Variants in AADACL4 observed in about 807,000 individuals in gnomAD.
AADACL4 encodes the protein arylacetamide deacetylase like 4, also known as arylacetamide deacetylase-like 4.
In AADACL4, 9 loss-of-function variants were observed where a neutral mutation model predicts 14.1. That is an observed-to-expected ratio of 0.64 (90% confidence interval 0.39 to 1.12). The LOEUF is 1.12. Among genes scored for constraint, AADACL4 ranks in the 50% most tolerant of loss-of-function variants. The pLI, the probability that AADACL4 is intolerant of heterozygous loss-of-function variation, is 0.01. For synonymous variants in AADACL4, 188 were observed against 201.6 expected (o/e 0.93, Z 0.57); for missense variants, 531 against 516.1 (o/e 1.03, Z -0.28).
intron 2 of AADACL4, among the ~76,000 whole-genome samples, chr1:12,652,515 A>T (rs1163405480): frequency 6.6e-6 from 1 of 152,206 alleles, no homozygotes; most frequent in East Asian, 1.9e-4. Context: ...AACCGTTGGG[A>T]GAATGAATTC....
Position 12,666,091 on chromosome 1 carries a change from G to T in AADACL4, c.580G>T (p.Val194Phe), listed in dbSNP as rs751214203. 1 of 1,614,238 alleles carries T rather than the reference G, an allele frequency of 6.2e-7. No individual in the cohort carries two copies. The highest frequency in any genetic ancestry group is 2.2e-5 in the East Asian group (1 of 44,886). Residue 194 changes from valine (V) to phenylalanine (F), a missense_variant, in exon 4 of 4, where the codon GTC (valine) becomes TTC (phenylalanine). Val to Phe is a conservative substitution (Grantham distance 50). Transcript: ENST00000376221. ...PSRVVVCGES[V>F]GGAAVAAITQ... Reference sequence around the variant, plus strand: ...CAGGGTTGTGGTCTGTGGAGAAAGCGTCGGAGGTGCAGCGGTGGCCGCCAT... The same window carrying T: ...CAGGGTTGTGGTCTGTGGAGAAAGCTTCGGAGGTGCAGCGGTGGCCGCCAT...
At chr1:12,654,431 G>C (rs909873063) in intron 2 of AADACL4, among the ~76,000 whole-genome samples, 2 of 152,198 alleles carry the variant, frequency 1.3e-5, no homozygotes, top group African/African-American at 4.8e-5. Flanking sequence ...GTATTGCTTT[G>C]CCAGGAGTTT....
rs774294350 is a variant in AADACL4 at position 12,666,319 on chromosome 1, G to A, written c.808G>A (p.Gly270Ser). The change falls in exon 4 of 4, where the codon GGC becomes AGC. Residue 270 changes from glycine to serine, a missense_variant. By Grantham distance (56) the Gly-to-Ser change is moderately conservative. Coordinates refer to ENST00000376221, the MANE Select transcript of AADACL4 (RefSeq NM_001013630.2). ...DLSWRDAILNGTCVPPDVWRK... is the reference protein window; with the variant it reads ...DLSWRDAILNSTCVPPDVWRK... The stretch of plus-strand genomic sequence containing the variant: ...CTCCTGGCGTGACGCCATCTTGAAC[G>A]GCACTTGTGTACCCCCAGACGTCTG... 37 of 1,614,032 alleles carry A rather than the reference G, an allele frequency of 2.3e-5. No homozygotes were observed. The highest frequency in any genetic ancestry group is 1.6e-4 in the Middle Eastern group (1 of 6,084).
intron 3 of AADACL4, among the ~76,000 whole-genome samples, chr1:12,663,590 A>G (rs955910916): frequency 3.9e-5 from 6 of 152,194 alleles, no homozygotes; most frequent in Admixed American, 1.3e-4. Context: ...CATTCAGTCT[A>G]TCACAGTGAG....
At chr1:12,646,790 G>T (rs1312001844) in intron 1 of AADACL4, among the ~76,000 whole-genome samples, 1 of 152,164 alleles carries the variant, frequency 6.6e-6, no homozygotes, top group Admixed American at 6.5e-5. Flanking sequence ...TTCAGCTTGT[G>T]GCGTCCTCTC....
intron 2 of AADACL4, among the ~76,000 whole-genome samples, chr1:12,651,705 A>G (rs1240660626): frequency 1.3e-5 from 2 of 151,844 alleles, no homozygotes; most frequent in Non-Finnish European, 2.9e-5. Flanking sequence ...GCTCTGCAGT[A>G]TCATCATGAC....
At chr1:12,660,218 G>A (rs1301509282) in intron 2 of AADACL4, among the ~76,000 whole-genome samples, 2 of 152,240 alleles carry the variant, frequency 1.3e-5, no homozygotes, top group Admixed American at 1.3e-4. Flanking sequence ...AAAGTGCTGG[G>A]ATTACAGGTG....
At position 12,651,321 on chromosome 1, in the gene AADACL4, A is replaced by G. The variant is rs1647144568; in HGVS notation, c.367A>G (p.Thr123Ala). The part of the protein sequence containing the change: ...RGIIFYHGGA[T>A]VFGSLDCYHG... ...CATCATCTTCTACCATGGAGGGGCC[A>G]CAGTATTTGGGAGCCTGGGTAAGGG... The change falls in exon 2 of 4, where the codon ACA (threonine) becomes GCA (alanine). Residue 123 changes from threonine (T) to alanine (A), a missense_variant. Thr to Ala is a moderately conservative substitution (Grantham distance 58, BLOSUM62 0). Coordinates refer to ENST00000376221, the MANE Select transcript of AADACL4 (RefSeq NM_001013630.2). 3 of 1,614,198 alleles carry G rather than the reference A, an allele frequency of 1.9e-6. No homozygotes were observed. The highest frequency in any genetic ancestry group is 2.2e-5 in the East Asian group (1 of 44,882).
At chr1:12,658,553 G>A (rs909366098) in intron 2 of AADACL4, among the ~76,000 whole-genome samples, 8 of 152,086 alleles carry the variant, frequency 5.3e-5, no homozygotes, top group African/African-American at 1.2e-4. Context: ...GCCACCACGC[G>A]TGGCCTGGAA....
chr1:12,658,108 TTTCCTTCCTTCCTTCCTTCC>T (rs748632129), intron 2 of AADACL4, among the ~76,000 whole-genome samples: 6 of 122,010 alleles, frequency 4.9e-5, no homozygotes, highest in Non-Finnish European at 9.6e-5. Flanking sequence ...TCTCTCTTTC[TTTCCTTCCTTCCTTCCTTCC>T]TTCCTTCCTT....
In AADACL4 at chr1:12,666,986, A is replaced by C; in HGVS notation, c.*251A>C. 2.1e-6 allele frequency: 1 copy of C among 471,624 alleles called. No individual in the cohort carries two copies. Among genetic ancestry groups the C allele is most frequent in the Non-Finnish European group, 3.7e-6 (1 of 271,416 alleles). The allele number at this position is 471,624 out of a possible 1,614,324, so 29.2% of individuals were successfully genotyped here. On this transcript the variant is annotated 3_prime_UTR_variant, in exon 4 of 4. Coordinates refer to ENST00000376221, the MANE Select transcript of AADACL4 (RefSeq NM_001013630.2). Reference sequence around the variant, plus strand: ...TTCTCTAACATTCCCATTTAGGTGAAATAAATATCAAAAGGAGAAAAAAAT... The same window carrying C: ...TTCTCTAACATTCCCATTTAGGTGACATAAATATCAAAAGGAGAAAAAAAT...
Position 12,666,829 on chromosome 1 carries a change from T to A in AADACL4, c.*94T>A. 7.7e-7 allele frequency: 1 copy of A among 1,293,424 alleles called. No homozygotes were observed. Among genetic ancestry groups the A allele is most frequent in the Non-Finnish European group, 1.1e-6 (1 of 946,554 alleles). The allele number at this position is 1,293,424 out of a possible 1,614,324, so 80.1% of individuals were successfully genotyped here. On this transcript the variant is annotated 3_prime_UTR_variant, in exon 4 of 4. Transcript: ENST00000376221. ...AGTTCTATTTTATTGACTAAAGAGG[T>A]GCTACATCAATGCTTGGGGCAGCTG...
chr1:12,662,689 C>A (rs1048049864), intron 3 of AADACL4, among the ~76,000 whole-genome samples: 1 of 152,146 alleles, frequency 6.6e-6, no homozygotes, highest in Non-Finnish European at 1.5e-5. Context: ...TTAGATTCTA[C>A]CTCTACAATG....
In AADACL4 at chr1:12,666,096, A is replaced by G; in HGVS notation, c.585A>G (p.Gly195=). ...SRVVVCGESV[G]GAAVAAITQA... ...TTGTGGTCTGTGGAGAAAGCGTCGG[A>G]GGTGCAGCGGTGGCCGCCATCACCC... is the stretch of plus-strand genomic sequence containing the variant. The change falls in exon 4 of 4, where the codon GGA becomes GGG. Residue 195 remains glycine, a synonymous_variant. Coordinates refer to ENST00000376221, the MANE Select transcript of AADACL4 (RefSeq NM_001013630.2). 3 of 1,614,242 alleles carry G rather than the reference A, an allele frequency of 1.9e-6. No homozygotes were observed. Among genetic ancestry groups the G allele is most frequent in the Non-Finnish European group, 1.7e-6 (2 of 1,180,044 alleles).
chr1:12,656,944 T>C (rs994643146), intron 2 of AADACL4, among the ~76,000 whole-genome samples: 1 of 151,950 alleles, frequency 6.6e-6, no homozygotes, highest in Non-Finnish European at 1.5e-5. Flanking sequence ...AGTTCAAGAC[T>C]GGCCCTGGCA....
chr1:12,666,434 A>G lies in AADACL4; in HGVS notation c.923A>G (p.Asn308Ser). 1.2e-6 allele frequency: 2 copies of G among 1,614,194 alleles called. No homozygotes were observed. ...CAACCCTGGTCTCCCGGCCCTTTTA[A>G]TGAAGCTGCCTATCTAGAAGCCAAA... ...GYQPWSPGPFNEAAYLEAKHM... is the reference protein window; with the variant it reads ...GYQPWSPGPFSEAAYLEAKHM... Residue 308 changes from asparagine (N) to serine (S), a missense_variant, in exon 4 of 4, where the codon AAT (asparagine) becomes AGT (serine). Asn to Ser is a conservative substitution (Grantham distance 46, BLOSUM62 1). Coordinates refer to ENST00000376221, the MANE Select transcript of AADACL4 (RefSeq NM_001013630.2).
intron 2 of AADACL4, among the ~76,000 whole-genome samples, 157 bp downstream of exon 2, chr1:12,651,496 A>C (rs557904469): frequency 6.6e-6 from 1 of 152,328 alleles, no homozygotes; most frequent in East Asian, 1.9e-4. Context: ...CTTTGGGCTC[A>C]GGTCAGTAGA....
At chr1:12,646,996 G>A (rs1044439112) in intron 1 of AADACL4, among the ~76,000 whole-genome samples, 1 of 152,062 alleles carries the variant, frequency 6.6e-6, no homozygotes, top group African/African-American at 2.4e-5. Context: ...GCTTTGTTTC[G>A]GTATCAGACC....
chr1:12,652,441 A>G (rs1158951574), intron 2 of AADACL4, among the ~76,000 whole-genome samples: 1 of 152,092 alleles, frequency 6.6e-6, no homozygotes, highest in Non-Finnish European at 1.5e-5. Flanking sequence ...TTGTCTTGAT[A>G]CCGGTGGGCT....
Sources: gnomAD v4.1 joint callset for allele counts (sites outside exome capture counted in the v4.1 genomes callset) on GRCh38, gnomAD v4.1.1 for gene constraint, MANE v1.5 for transcripts, NCBI Gene and HGNC (gene_info 2026-07-23, HGNC 2026-07-21) for gene names.